The following OSBPL11 variants were observed in gnomAD, a reference collection of about 807,000 sequenced individuals.
OSBPL11 encodes oxysterol-binding protein-related protein 11.
A neutral mutation model predicts 84.4 loss-of-function variants in OSBPL11; 33 were observed. The observed-to-expected ratio is 0.39, with a 90% CI of 0.30 to 0.52. The LOEUF (loss-of-function observed/expected upper bound fraction) is 0.52, where lower values mean the gene tolerates loss of function less well. OSBPL11 is among the 20% of genes least tolerant of loss of function. OSBPL11 has a pLI of 0.72. For missense variants in OSBPL11, 736 were observed against 901.1 expected (o/e 0.82, Z 2.35); for synonymous variants, 276 against 310.2 (o/e 0.89, Z 1.16).
rs1935526243 is a variant in OSBPL11 at position 125,529,506 on chromosome 3, A to G, written c.*1009T>C. 6.6e-6 allele frequency: 1 copy of G among 152,366 alleles called. No homozygotes were observed. The highest frequency in any genetic ancestry group is 2.4e-5 in the African/African-American group (1 of 41,446). 9.4% of individuals were successfully genotyped at this position (152,366 alleles called of 1,614,324 possible). A position where few individuals can be genotyped will look rare whatever the true frequency, so the allele number is the denominator to read the frequency against. On this transcript the variant is annotated 3_prime_UTR_variant, in exon 13 of 13. Coordinates refer to ENST00000296220, the MANE Select transcript of OSBPL11 (RefSeq NM_022776.5). The stretch of plus-strand genomic sequence containing the variant: ...ACATGCGCGTTCAGTTACACATATA[A>G]GTTTTGAATTACTGACAAATATGAA...
chr3:125,578,052 ATG>A (rs1366747707), intron 4 of OSBPL11, among the ~76,000 whole-genome samples: 4 of 152,204 alleles, frequency 2.6e-5, no homozygotes, highest in East Asian at 1.9e-4. Flanking sequence ...AAAATAATGA[ATG>A]TTTTCATTAT....
At chr3:125,539,617 T>C (rs1935697032) in intron 10 of OSBPL11, among the ~76,000 whole-genome samples, 1 of 151,930 alleles carries the variant, frequency 6.6e-6, no homozygotes, top group Non-Finnish European at 1.5e-5. Context: ...GCCCAGCTAA[T>C]TTTTTTATTT....
intron 3 of OSBPL11, 140 bp downstream of exon 3, chr3:125,579,725 G>C (rs1936391288): frequency 1.4e-6 from 1 of 740,430 alleles, no homozygotes; most frequent in African/African-American, 1.8e-5. Context: ...TCTCAAAGCA[G>C]TTCCAAGGTT....
At chr3:125,539,909 A>C (rs1054774834) in intron 10 of OSBPL11, among the ~76,000 whole-genome samples, 6 of 152,186 alleles carry the variant, frequency 3.9e-5, no homozygotes, top group Non-Finnish European at 7.3e-5. Context: ...AAGGAAATCC[A>C]AAAGACCAAA....
At chr3:125,593,659 CTA>C (rs1302477704) in intron 1 of OSBPL11, among the ~76,000 whole-genome samples, 2 of 151,968 alleles carry the variant, frequency 1.3e-5, no homozygotes, top group Non-Finnish European at 2.9e-5. Context: ...TACTTCACTT[CTA>C]TATGTTAATA....
At chr3:125,562,168 C>A (rs1392557017) in intron 7 of OSBPL11, among the ~76,000 whole-genome samples, 1 of 152,154 alleles carries the variant, frequency 6.6e-6, no homozygotes, top group Non-Finnish European at 1.5e-5. Flanking sequence ...TCTCTGAATG[C>A]CCCTATCCCA....
chr3:125,563,891 A>G, intron 6 of OSBPL11, 48 bp from the exon 7 acceptor site: 1 of 1,601,896 alleles, frequency 6.2e-7, no homozygotes, highest in Admixed American at 1.7e-5. Context: ...CATAATCTAG[A>G]AAGTTCGGCA....
intron 11 of OSBPL11, 107 bp downstream of exon 11, chr3:125,538,344 G>C: frequency 1.0e-6 from 1 of 989,500 alleles, no homozygotes; most frequent in South Asian, 1.6e-5. Context: ...TTACAAAGCT[G>C]ATGCAACCTG....
At chr3:125,545,305 A>G (rs543431843) in intron 10 of OSBPL11, among the ~76,000 whole-genome samples, 1 of 152,342 alleles carries the variant, frequency 6.6e-6, no homozygotes, top group East Asian at 1.9e-4. Flanking sequence ...AGACTTTGGG[A>G]AGTATGTTGA....
Position 125,547,268 on chromosome 3 carries a change from G to C in OSBPL11, c.1841+138C>G, listed in dbSNP as rs1935833980. 3 of 724,512 alleles carry C rather than the reference G, an allele frequency of 4.1e-6. No homozygotes were observed. The South Asian group carries it at 7.9e-5, about 19-fold the overall frequency. The allele number at this position is 724,512 out of a possible 1,614,324, so 44.9% of individuals were successfully genotyped here. ...AGCATGACTTTCAGAATGCTTTAAA[G>C]ATGAAATATTTTAAATAAGAAATAA... On this transcript the variant is annotated intron_variant, in intron 10 of 12. Transcript: ENST00000296220.
intron 4 of OSBPL11, among the ~76,000 whole-genome samples, chr3:125,577,060 T>G (rs567976024): frequency 6.6e-6 from 1 of 152,340 alleles, no homozygotes; most frequent in South Asian, 2.1e-4. Context: ...AAGTATCCTT[T>G]GATACAAACT....
intron 12 of OSBPL11, among the ~76,000 whole-genome samples, chr3:125,531,332 C>A (rs1437792202): frequency 7.7e-6 from 1 of 130,428 alleles, no homozygotes; most frequent in Non-Finnish European, 1.6e-5. Flanking sequence ...ACTCTTGTTG[C>A]CCAGGCTGGA....
At chr3:125,545,705 T>G (rs1269822805) in intron 10 of OSBPL11, among the ~76,000 whole-genome samples, 2 of 152,000 alleles carry the variant, frequency 1.3e-5, no homozygotes, top group Non-Finnish European at 1.5e-5. Context: ...ATAGGCATCC[T>G]AAAGTGAGTG....
intron 2 of OSBPL11, among the ~76,000 whole-genome samples, chr3:125,581,742 G>A (rs1936430273): frequency 6.7e-6 from 1 of 148,722 alleles, no homozygotes; most frequent in Admixed American, 6.7e-5. Flanking sequence ...AGGGCTGGAT[G>A]AGTTGAGATT....
At position 125,563,687 on chromosome 3, in the gene OSBPL11, T is replaced by C; in HGVS notation, c.1014+11A>G. On this transcript the variant is annotated intron_variant, in intron 7 of 12. Transcript: ENST00000296220. ...TTTTCACATCAAAATCATATTTTTA[T>C]ATTACCTTACCCTCGCTAATAGTCC... 1 of 1,609,810 alleles carries C rather than the reference T, an allele frequency of 6.2e-7. No homozygotes were observed.
chr3:125,579,810 A>G (rs1187196950), intron 3 of OSBPL11, 55 bp downstream of exon 3: 3 of 1,533,804 alleles, frequency 2.0e-6, no homozygotes, highest in African/African-American at 1.4e-5. Context: ...GTAAGACACC[A>G]ACTTCTCAAA....
At chr3:125,537,304 T>C (rs55841185) in intron 11 of OSBPL11, among the ~76,000 whole-genome samples, 10,134 of 152,240 alleles carry the variant, frequency 0.067, 456 homozygotes, top group Non-Finnish European at 0.098. Flanking sequence ...CTTGTGACGT[T>C]TGGTGCCACT....
intron 1 of OSBPL11, among the ~76,000 whole-genome samples, chr3:125,593,528 G>A (rs1428898091): frequency 6.6e-6 from 1 of 151,412 alleles, no homozygotes; most frequent in Non-Finnish European, 1.5e-5. Context: ...GCTGAGACAC[G>A]AGAATCGCTT....
chr3:125,541,638 T>A (rs1475356469), intron 10 of OSBPL11, among the ~76,000 whole-genome samples: 3 of 152,140 alleles, frequency 2.0e-5, no homozygotes, highest in African/African-American at 7.2e-5. Context: ...ACTTCAGTGG[T>A]GAAATCATGG....
Sources: allele counts gnomAD v4.1 joint callset (sites outside exome capture counted in the v4.1 genomes callset), GRCh38; gene constraint gnomAD v4.1.1; transcripts MANE v1.5; gene names NCBI Gene and HGNC (gene_info 2026-07-23, HGNC 2026-07-21).